NRG3: variants seen among roughly 807,000 people sequenced by gnomAD.
The protein encoded by NRG3 is neuregulin 3.
NRG3 carries 31 observed loss-of-function variants against 66.9 expected under a neutral mutation model. The observed-to-expected ratio is 0.46, with a 90% CI of 0.35 to 0.63. The LOEUF is 0.63. Among genes scored for constraint, NRG3 ranks in the 20% least tolerant of loss-of-function variants. The pLI is 0.00. For synonymous variants in NRG3, 393 were observed against 359.4 expected (o/e 1.09, Z -1.06); for missense variants, 910 against 878.9 (o/e 1.04, Z -0.45).
intron 1 of NRG3, among the ~76,000 whole-genome samples, chr10:82,039,342 A>G (rs1156697832): frequency 1.3e-5 from 2 of 152,250 alleles, no homozygotes; most frequent in South Asian, 2.1e-4. Flanking sequence ...CAGAGAGCCT[A>G]TTAGCCATGA....
chr10:82,239,557 T>C (rs2076917775), intron 1 of NRG3, among the ~76,000 whole-genome samples: 1 of 152,242 alleles, frequency 6.6e-6, no homozygotes, highest in Non-Finnish European at 1.5e-5. Context: ...TTAATTTATC[T>C]GATTACTAAT....
chr10:82,176,291 A>G (rs534752927), intron 1 of NRG3, among the ~76,000 whole-genome samples: 1 of 152,230 alleles, frequency 6.6e-6, no homozygotes, highest in East Asian at 1.9e-4. Context: ...CTTAGTCTTT[A>G]GGAGAGAACT....
intron 3 of NRG3, among the ~76,000 whole-genome samples, chr10:82,852,141 A>G (rs2063590991): frequency 1.3e-5 from 2 of 152,172 alleles, no homozygotes; most frequent in Non-Finnish European, 1.5e-5. Flanking sequence ...GGAACACTAA[A>G]CAAGGTGGAC....
chr10:82,624,521 T>C (rs1590920921), intron 2 of NRG3, among the ~76,000 whole-genome samples: 1 of 152,076 alleles, frequency 6.6e-6, no homozygotes, highest in East Asian at 1.9e-4. Flanking sequence ...CTGGAATGCA[T>C]GGTAACCTCA....
intron 2 of NRG3, among the ~76,000 whole-genome samples, chr10:82,596,344 A>C (rs1037006481): frequency 2.6e-5 from 4 of 152,210 alleles, no homozygotes; most frequent in Non-Finnish European, 5.9e-5. Flanking sequence ...TGTGATTGGC[A>C]ATTCGTTGCA....
At chr10:81,906,490 G>T (rs1564647199) in intron 1 of NRG3, among the ~76,000 whole-genome samples, 1 of 152,160 alleles carries the variant, frequency 6.6e-6, no homozygotes, top group Non-Finnish European at 1.5e-5. Context: ...TATCTGCAGG[G>T]CATGTAGGTG....
chr10:81,948,762 AC>A (rs1849073535), intron 1 of NRG3, among the ~76,000 whole-genome samples: 1 of 152,224 alleles, frequency 6.6e-6, no homozygotes, highest in Non-Finnish European at 1.5e-5. Context: ...CATTTCCCAC[AC>A]TGATTGCAAA....
At chr10:82,429,049 G>A (rs1238293499) in intron 2 of NRG3, among the ~76,000 whole-genome samples, 1 of 151,872 alleles carries the variant, frequency 6.6e-6, no homozygotes, top group Non-Finnish European at 1.5e-5. Context: ...TTTTTGTCCA[G>A]GGGATTGCAA....
intron 1 of NRG3, among the ~76,000 whole-genome samples, chr10:82,268,750 C>T (rs1310762239): frequency 6.6e-6 from 1 of 151,818 alleles, no homozygotes; most frequent in African/African-American, 2.4e-5. Flanking sequence ...CTACAAGAAC[C>T]AGGGATTGAT....
intron 1 of NRG3, among the ~76,000 whole-genome samples, chr10:81,972,220 G>C (rs1412659412): frequency 6.6e-6 from 1 of 152,150 alleles, no homozygotes; most frequent in Non-Finnish European, 1.5e-5. Flanking sequence ...TTCTATGAAG[G>C]AAATTAAAGA....
chr10:82,376,459 G>A (rs1015371016), intron 2 of NRG3, among the ~76,000 whole-genome samples: 2 of 152,142 alleles, frequency 1.3e-5, no homozygotes, highest in East Asian at 3.9e-4. Context: ...CACAATGGTA[G>A]AATACAAAAT....
intron 2 of NRG3, among the ~76,000 whole-genome samples, chr10:82,584,489 T>A (rs1016810708): frequency 1.3e-5 from 2 of 152,238 alleles, no homozygotes; most frequent in South Asian, 2.1e-4. Context: ...AGGCAATAGA[T>A]ATTAATGTGT....
At chr10:81,983,597 C>G (rs2060415312) in intron 1 of NRG3, among the ~76,000 whole-genome samples, 1 of 152,152 alleles carries the variant, frequency 6.6e-6, no homozygotes, top group South Asian at 2.1e-4. Context: ...TTACTACCTA[C>G]TGTGTTCTAG....
intron 2 of NRG3, among the ~76,000 whole-genome samples, chr10:82,672,995 C>A (rs555087927): frequency 2.6e-5 from 4 of 152,242 alleles, no homozygotes; most frequent in Non-Finnish European, 2.9e-5. Context: ...AGATGACCCA[C>A]CTGCCTCAGC....
intron 2 of NRG3, among the ~76,000 whole-genome samples, chr10:82,570,748 G>T (rs898715725): frequency 6.6e-6 from 1 of 151,542 alleles, no homozygotes; most frequent in African/African-American, 2.4e-5. Flanking sequence ...TGATATATAG[G>T]GCTTGACAGA....
chr10:82,920,713 A>C (rs930101588), intron 4 of NRG3, among the ~76,000 whole-genome samples: 3 of 152,126 alleles, frequency 2.0e-5, no homozygotes, highest in Admixed American at 2.0e-4. Context: ...GAAATATAAA[A>C]AATGCTAAAA....
chr10:82,563,353 T>G (rs2133039209), intron 2 of NRG3, among the ~76,000 whole-genome samples: 1 of 152,220 alleles, frequency 6.6e-6, no homozygotes, highest in African/African-American at 2.4e-5. Context: ...AGTTCTTAAC[T>G]AAAAAATATG....
intron 2 of NRG3, among the ~76,000 whole-genome samples, chr10:82,378,633 C>A (rs533639054): frequency 1.3e-5 from 2 of 151,828 alleles, no homozygotes; most frequent in African/African-American, 4.8e-5. Flanking sequence ...TGCGGTGGTG[C>A]GATCTTGGCT....
At chr10:82,469,671 A>T (rs1395635179) in intron 2 of NRG3, among the ~76,000 whole-genome samples, 1 of 152,172 alleles carries the variant, frequency 6.6e-6, no homozygotes, top group Non-Finnish European at 1.5e-5. Flanking sequence ...GAGCCAAGCT[A>T]TTCCTCTGGG....
Sources: gnomAD v4.1 joint callset for allele counts (sites outside exome capture counted in the v4.1 genomes callset) on GRCh38, gnomAD v4.1.1 for gene constraint, MANE v1.5 for transcripts, NCBI Gene and HGNC (gene_info 2026-07-23, HGNC 2026-07-21) for gene names.